Variants in RTF1 observed in about 807,000 individuals in gnomAD.
The protein encoded by RTF1 is RTF1 homolog, Paf1/RNA polymerase II complex component.
In RTF1, 10 loss-of-function variants were observed where a neutral mutation model predicts 95.7. The observed-to-expected ratio is 0.10, with a 90% CI of 0.06 to 0.18. RTF1 has a LOEUF of 0.18. Ranked by LOEUF, RTF1 falls within the 10% of genes least tolerant of loss-of-function variation. RTF1 has a pLI of 1.00. For missense variants in RTF1, 458 were observed against 875.6 expected (o/e 0.52, Z 6.02); for synonymous variants, 305 against 311.8 (o/e 0.98, Z 0.23).
intron 3 of RTF1, 34 bp from the exon 4 acceptor site, chr15:41,457,638 A>G (rs780019041): frequency 2.5e-6 from 4 of 1,601,176 alleles, no homozygotes; most frequent in East Asian, 2.2e-5. Flanking sequence ...CTTCTGTAGC[A>G]TAGTGTAATC....
chr15:41,468,894 G>C (rs192041728), intron 6 of RTF1, among the ~76,000 whole-genome samples: 1 of 152,074 alleles, frequency 6.6e-6, no homozygotes. Context: ...GAATATCCTT[G>C]TGAACTCATC....
In RTF1 at chr15:41,417,228, G is replaced by A. The variant is rs535546489; in HGVS notation, c.113G>A (p.Gly38Glu). Residue 38 changes from glycine (G) to glutamate (E), a missense_variant, in exon 1 of 18, where the codon GGG becomes GAG. Gly to Glu is a moderately conservative substitution (Grantham distance 98, BLOSUM62 -2). Coordinates refer to ENST00000389629, the MANE Select transcript of RTF1 (RefSeq NM_015138.5). ...GGCGGCGGCCGGCGTGGGAGCCGGG[G>A]GACCACCATGGTAAAGAAGCGGAAA... ...SPGGGRRGSR[G>E]TTMVKKRKGR... 11 of 1,257,950 alleles carry A rather than the reference G, an allele frequency of 8.7e-6. No homozygotes were observed. Among genetic ancestry groups the A allele is most frequent in the East Asian group, 6.3e-5 (2 of 31,912 alleles). The allele number at this position is 1,257,950 out of a possible 1,614,324, so 77.9% of individuals were successfully genotyped here.
rs1202694722 is a variant in RTF1 at position 41,482,815 on chromosome 15, G to T, written c.*2128G>T. 1 of 152,228 alleles carries T rather than the reference G, an allele frequency of 6.6e-6. No individual in the cohort carries two copies. Among genetic ancestry groups the T allele is most frequent in the Non-Finnish European group, 1.5e-5 (1 of 67,994 alleles). 9.4% of individuals were successfully genotyped at this position (152,228 alleles called of 1,614,324 possible). A position where few individuals can be genotyped will look rare whatever the true frequency, so the allele number is the denominator to read the frequency against. ...GACCTCTCCTATCATGATGAACTTG[G>T]ACTTTTTTTTTTGATTTCTGGTTTT... On this transcript the variant is annotated 3_prime_UTR_variant, in exon 18 of 18. Transcript: ENST00000389629.
intron 4 of RTF1, among the ~76,000 whole-genome samples, chr15:41,463,459 A>C (rs1404153401): frequency 2.0e-5 from 3 of 152,052 alleles, no homozygotes; most frequent in Non-Finnish European, 4.4e-5. Context: ...CTTCACTAAC[A>C]CTTTAACACT....
At chr15:41,428,102 TA>T (rs2050646384) in intron 1 of RTF1, among the ~76,000 whole-genome samples, 1 of 151,416 alleles carries the variant, frequency 6.6e-6, no homozygotes, top group South Asian at 2.1e-4. Context: ...CTTTTTTTTT[TA>T]ATTTTATTTT....
intron 1 of RTF1, among the ~76,000 whole-genome samples, chr15:41,433,821 ATTG>A (rs1049263130): frequency 2.3e-5 from 3 of 132,320 alleles, no homozygotes; most frequent in South Asian, 2.5e-4. Context: ...CAGATGTTTT[ATTG>A]TTGTTGTTTG....
intron 1 of RTF1, among the ~76,000 whole-genome samples, chr15:41,418,682 T>G (rs925517950): frequency 6.6e-6 from 1 of 151,084 alleles, no homozygotes; most frequent in Non-Finnish European, 1.5e-5. Context: ...TGGTGGCACA[T>G]GCCTGTAATC....
intron 6 of RTF1, among the ~76,000 whole-genome samples, chr15:41,470,020 C>T (rs1024339177): frequency 6.6e-6 from 1 of 152,158 alleles, no homozygotes; most frequent in Non-Finnish European, 1.5e-5. Context: ...CCCTTTCTGC[C>T]CACCTAGTAT....
chr15:41,479,210 A>G lies in RTF1; in HGVS notation c.1914+12A>G, dbSNP rs779936710. 2 of 1,583,528 alleles carry G rather than the reference A, an allele frequency of 1.3e-6. No homozygotes were observed. Among genetic ancestry groups the G allele is most frequent in the Non-Finnish European group, 1.7e-6 (2 of 1,153,064 alleles). ...AGGAAATGAGCAAGGCAAGTGTGGT[A>G]CCACCCTGTTGCCTGCTGAGTGAGG... is the stretch of plus-strand genomic sequence containing the variant. On this transcript the variant is annotated intron_variant, in intron 16 of 17. Transcript: ENST00000389629.
chr15:41,417,524 C>T (rs1450807259), intron 1 of RTF1, among the ~76,000 whole-genome samples: 2 of 152,154 alleles, frequency 1.3e-5, no homozygotes, highest in East Asian at 1.9e-4. Flanking sequence ...GAGGACTTGG[C>T]GCCTTGGGCG....
chr15:41,420,488 G>T lies in RTF1; in HGVS notation c.198+3175G>T, dbSNP rs572934754. Among the ~76,000 whole-genome samples, 41 of 152,216 alleles carry T rather than the reference G, an allele frequency of 2.7e-4. 1 individual carries two copies. The South Asian group carries it at 8.1e-3, about 30-fold the overall frequency. ...ATCTTTCCTGCCCCAAATACCTTGT[G>T]CTGCTCCATCTGGTTCTGAGTCTTC... On this transcript the variant is annotated intron_variant, in intron 1 of 17. Coordinates refer to ENST00000389629, the MANE Select transcript of RTF1 (RefSeq NM_015138.5).
intron 2 of RTF1, among the ~76,000 whole-genome samples, chr15:41,442,902 TTAAA>T (rs1355404853): frequency 6.6e-6 from 1 of 151,962 alleles, no homozygotes; most frequent in African/African-American, 2.4e-5. Flanking sequence ...AATAAATAAA[TTAAA>T]TAAAGTGGCA....
intron 1 of RTF1, among the ~76,000 whole-genome samples, chr15:41,427,446 C>G (rs564683713): frequency 3.9e-5 from 6 of 152,076 alleles, no homozygotes; most frequent in African/African-American, 1.4e-4. Flanking sequence ...CCACTGCGCC[C>G]GGCCCTACAA....
In RTF1 at chr15:41,422,822, C is replaced by G. The variant is rs541027053; in HGVS notation, c.198+5509C>G. Among the ~76,000 whole-genome samples, 58 of 152,326 alleles carry G rather than the reference C, an allele frequency of 3.8e-4. 1 individual carries two copies. The East Asian group carries it at 6.2e-3, about 16-fold the overall frequency. On this transcript the variant is annotated intron_variant, in intron 1 of 17. Transcript: ENST00000389629. Reference sequence around the variant, plus strand: ...ACGGAGTCTCGCTCTGTCACCCAGGCTGGAGTGCAGTGGCGCGATCTTGGC... The same window carrying G: ...ACGGAGTCTCGCTCTGTCACCCAGGGTGGAGTGCAGTGGCGCGATCTTGGC...
At chr15:41,444,142 G>A (rs528756396) in intron 2 of RTF1, among the ~76,000 whole-genome samples, 27 of 151,868 alleles carry the variant, frequency 1.8e-4, no homozygotes, top group African/African-American at 6.3e-4. Context: ...GTGGTGGTGT[G>A]CATCTGTTAC....
At chr15:41,419,285 G>A (rs1032895318) in intron 1 of RTF1, among the ~76,000 whole-genome samples, 28 of 152,216 alleles carry the variant, frequency 1.8e-4, no homozygotes, top group African/African-American at 6.5e-4. Context: ...ATAGTGCCTA[G>A]AGTAGGCACT....
intron 1 of RTF1, among the ~76,000 whole-genome samples, chr15:41,436,680 T>C (rs991731791): frequency 6.9e-6 from 1 of 145,220 alleles, no homozygotes; most frequent in African/African-American, 2.5e-5. Flanking sequence ...TGTAGTCCCA[T>C]CTACTTGGGA....
rs547215724 is a variant in RTF1, at chr15:41,482,873, C to T, written c.*2186C>T. 3.4e-5 allele frequency: 5 copies of T among 147,238 alleles called. No individual in the cohort carries two copies. The highest frequency in any genetic ancestry group is 1.2e-4 in the African/African-American group (5 of 40,520). The allele number at this position is 147,238 out of a possible 1,614,324, so 9.1% of individuals were successfully genotyped here. ...ATAAAATTATAGAATCCAGATAATT[C>T]GCTGGAGTCATTCTGATCCACCATG... On this transcript the variant is annotated 3_prime_UTR_variant, in exon 18 of 18. Coordinates refer to ENST00000389629, the MANE Select transcript of RTF1 (RefSeq NM_015138.5).
In RTF1 at chr15:41,478,563, A is replaced by G. The variant is rs565471150; in HGVS notation, c.1756A>G (p.Met586Val). 1 of 1,613,852 alleles carries G rather than the reference A, an allele frequency of 6.2e-7. No homozygotes were observed. The highest frequency in any genetic ancestry group is 2.2e-5 in the East Asian group (1 of 44,884). ...TCTGTTTCAGGCTGAAAGTCACAAC[A>G]TGAAAAACCAACAGATGGATCCCTT... ...EKALVAESHN[M>V]KNQQMDPFTR... is the part of the protein sequence containing the mutation. Residue 586 changes from methionine to valine, a missense_variant, in exon 15 of 18, where the codon ATG becomes GTG. Physicochemically the swap from Met to Val is conservative, Grantham distance 21. This residue lies in a region of RTF1 where 15 missense variants were observed against 57.1 expected (regional missense o/e 0.26). Transcript: ENST00000389629.
Sources: gnomAD v4.1 joint callset for allele counts (sites outside exome capture counted in the v4.1 genomes callset) on GRCh38, gnomAD v4.1.1 for gene constraint, gnomAD v4.1.1 regional missense constraint, MANE v1.5 for transcripts, NCBI Gene and HGNC (gene_info 2026-07-23, HGNC 2026-07-21) for gene names.